The following ABCA3 variants were observed in gnomAD, a reference collection of about 807,000 sequenced individuals.
The protein encoded by ABCA3 is phospholipid-transporting ATPase ABCA3.
ABCA3 carries 88 observed loss-of-function variants against 172.8 expected under a neutral mutation model. The observed-to-expected ratio is 0.51, with a 90% CI of 0.43 to 0.61. The LOEUF is 0.61. Among genes scored for constraint, ABCA3 ranks in the 20% least tolerant of loss-of-function variants. The probability of loss-of-function intolerance (pLI) is 0.00; values close to 1 mark genes in which losing one functional copy is unlikely to be tolerated. For missense variants in ABCA3, 2,164 were observed against 2,301.0 expected (o/e 0.94, Z 1.22); for synonymous variants, 1,066 against 983.8 (o/e 1.08, Z -1.56).
rs566634400 is a variant in ABCA3 at position 2,340,208 on chromosome 16, A to G, written c.-539+365T>C. Among the ~76,000 whole-genome samples the G allele has an allele frequency of 1.1e-4, 17 of 152,234 alleles. No individual in the cohort carries two copies. The South Asian group carries it at 3.5e-3, about 32-fold the overall frequency. On this transcript the variant is annotated intron_variant, in intron 1 of 32. Transcript: ENST00000301732. Reference sequence around the variant, plus strand: ...CGGGGCCGGGGCTGTCGGTCGCTACATATCCACCTTCTGGGCGCACACAGA... The same window carrying G: ...CGGGGCCGGGGCTGTCGGTCGCTACGTATCCACCTTCTGGGCGCACACAGA...
chr16:2,284,637 G>A lies in ABCA3; in HGVS notation c.3703+142C>T. 4.9e-6 allele frequency: 6 copies of A among 1,218,852 alleles called. No homozygotes were observed. The highest frequency in any genetic ancestry group is 5.8e-6 in the Non-Finnish European group (5 of 861,584). The allele number at this position is 1,218,852 out of a possible 1,614,324, so 75.5% of individuals were successfully genotyped here. A position where few individuals can be genotyped will look rare whatever the true frequency, so the allele number is the denominator to read the frequency against. ...CACCAGTCATGGCTAGCCGGGCAGGGCCAGCTGGGGCAGAGGGGCTGGTGA... is the reference window on the plus strand; with the variant it reads ...CACCAGTCATGGCTAGCCGGGCAGGACCAGCTGGGGCAGAGGGGCTGGTGA... On this transcript the variant is annotated intron_variant, in intron 24 of 32. Transcript: ENST00000301732. The surrounding 1 kb of genome is among the most constrained non-coding windows in gnomAD (Gnocchi z 5.9).
At chr16:2,335,603 T>C (rs1404235112) in intron 1 of ABCA3, among the ~76,000 whole-genome samples, 1 of 152,190 alleles carries the variant, frequency 6.6e-6, no homozygotes, top group Non-Finnish European at 1.5e-5. Flanking sequence ...GGACAGACCC[T>C]GGTGTTCACG....
At chr16:2,319,296 T>C (rs1020506365) in intron 8 of ABCA3, among the ~76,000 whole-genome samples, 44 of 152,128 alleles carry the variant, frequency 2.9e-4, no homozygotes, top group African/African-American at 1.0e-3. Flanking sequence ...CCATCCTGGC[T>C]AACACGGTGA....
chr16:2,328,167 AAATGAGAGCT>A (rs1343014621), intron 3 of ABCA3, among the ~76,000 whole-genome samples: 2 of 152,226 alleles, frequency 1.3e-5, no homozygotes, highest in African/African-American at 2.4e-5. Context: ...GTGATAGCAG[AAATGAGAGCT>A]TAGATCTGTA....
intron 8 of ABCA3, among the ~76,000 whole-genome samples, chr16:2,317,985 T>C (rs1306822419): frequency 6.6e-6 from 1 of 152,230 alleles, no homozygotes; most frequent in Non-Finnish European, 1.5e-5. Context: ...CATAAGCCAC[T>C]GCACCCGGCC....
chr16:2,290,271 G>A (rs1403064459), intron 19 of ABCA3, among the ~76,000 whole-genome samples: 3 of 152,068 alleles, frequency 2.0e-5, no homozygotes, highest in African/African-American at 4.8e-5. Flanking sequence ...TTGCCATCTC[G>A]TCAGTATTCC....
chr16:2,304,023 C>T lies in ABCA3; in HGVS notation c.1413G>A (p.Glu471=). 2 of 1,614,186 alleles carry T rather than the reference C, an allele frequency of 1.2e-6. No homozygotes were observed. Among genetic ancestry groups the T allele is most frequent in the Non-Finnish European group, 1.7e-6 (2 of 1,180,026 alleles). ...VLYGLVTWYM[E]AVFPGQFGVP... is the part of the protein sequence containing the mutation. ...CGCCGAACTGCCCTGGGAAGACGGC[C>T]TCCATGTACCAGGTCACCAGGCCAT... is the stretch of plus-strand genomic sequence containing the variant. The change falls in exon 12 of 33, where the codon GAG becomes GAA. Residue 471 remains glutamate, a synonymous_variant. Coordinates refer to ENST00000301732, the MANE Select transcript of ABCA3 (RefSeq NM_001089.3).
At chr16:2,316,490 CAAAAAAAAAAAAAAAAAAAAAA>C (rs71148128) in intron 10 of ABCA3, among the ~76,000 whole-genome samples, 1,469 of 28,896 alleles carry the variant, frequency 0.051, 39 homozygotes, top group African/African-American at 0.12. Context: ...ACTAAAAATG[CAAAAAAAAAAAAAAAAAAAAAA>C]AAAAAAAAAA....
In ABCA3 at chr16:2,275,970, G is replaced by A. The variant is rs1049292293; in HGVS notation, c.*704C>T. On this transcript the variant is annotated 3_prime_UTR_variant, in exon 33 of 33. Coordinates refer to ENST00000301732, the MANE Select transcript of ABCA3 (RefSeq NM_001089.3). The stretch of plus-strand genomic sequence containing the variant: ...ACCCAGCCCTTAGGGTGGTCCCTGC[G>A]TGTCCTGGGGCGGGCGACTTCCTGA... The A allele has an allele frequency of 1.8e-5, 4 of 219,288 alleles. No homozygotes were observed. The highest frequency in any genetic ancestry group is 3.7e-5 in the Non-Finnish European group (4 of 107,620). 13.6% of individuals were successfully genotyped at this position (219,288 alleles called of 1,614,324 possible). A position where few individuals can be genotyped will look rare whatever the true frequency, so the allele number is the denominator to read the frequency against.
At chr16:2,299,138 TCCCTGGGGGTCCCCCTGC>T in intron 14 of ABCA3, among the ~76,000 whole-genome samples, 1 of 134,978 alleles carries the variant, frequency 7.4e-6, no homozygotes, top group Non-Finnish European at 1.6e-5. Flanking sequence ...AGGGCAGGGG[TCCCTGGGGGTCCCCCTGC>T]ATTCACGGAC....
chr16:2,309,990 A>C (rs972250450), intron 10 of ABCA3, among the ~76,000 whole-genome samples: 1 of 152,198 alleles, frequency 6.6e-6, no homozygotes, highest in African/African-American at 2.4e-5. Flanking sequence ...GGCTTTTTAA[A>C]TGTGGGTTAT....
chr16:2,338,449 C>A (rs371362914), intron 1 of ABCA3, among the ~76,000 whole-genome samples: 2 of 152,196 alleles, frequency 1.3e-5, no homozygotes, highest in African/African-American at 4.8e-5. Flanking sequence ...GCTGCCTGCA[C>A]AATGGAATTT....
Position 2,287,042 on chromosome 16 carries a change from T to A in ABCA3, c.3005-75A>T, listed in dbSNP as rs543259997. The A allele has an allele frequency of 2.5e-4, 377 of 1,528,980 alleles. 3 individuals carry two copies. In the South Asian group the frequency reaches 4.3e-3, roughly 17 times the overall value. 94.7% of individuals were successfully genotyped at this position (1,528,980 alleles called of 1,614,324 possible). A position where few individuals can be genotyped will look rare whatever the true frequency, so the allele number is the denominator to read the frequency against. ...GCACCCCCTGCCACCTGAGCATGGC[T>A]AATCAGGGACCCAATAGAGTGGTGC... On this transcript the variant is annotated intron_variant, in intron 21 of 32. Transcript: ENST00000301732. The surrounding 1 kb of genome is among the most constrained non-coding windows in gnomAD (Gnocchi z 4.1).
At position 2,286,656 on chromosome 16, in the gene ABCA3, C is replaced by T; in HGVS notation, c.3278+38G>A. ...TGCCCAGGGCAGTCAGTCCTGGGGG[C>T]TCTGGCCAGGGCAGACAGGGACGGG... On this transcript the variant is annotated intron_variant, in intron 22 of 32. Coordinates refer to ENST00000301732, the MANE Select transcript of ABCA3 (RefSeq NM_001089.3). The surrounding 1 kb of genome is among the most constrained non-coding windows in gnomAD (Gnocchi z 5.2). The T allele has an allele frequency of 6.2e-7, 1 of 1,611,212 alleles. No individual in the cohort carries two copies. Among genetic ancestry groups the T allele is most frequent in the South Asian group, 1.1e-5 (1 of 90,904 alleles).
At chr16:2,320,459 G>A (rs571594322) in intron 7 of ABCA3, among the ~76,000 whole-genome samples, 4 of 149,436 alleles carry the variant, frequency 2.7e-5, no homozygotes, top group South Asian at 2.1e-4. Context: ...GCGCGATCTC[G>A]GCTCACTGCA....
At chr16:2,299,839 G>A (rs1470625502) in intron 13 of ABCA3, among the ~76,000 whole-genome samples, 166 bp downstream of exon 13, 2 of 152,170 alleles carry the variant, frequency 1.3e-5, no homozygotes, top group African/African-American at 4.8e-5. Context: ...CTGTGCCCTG[G>A]GGAACCGGTT....
intron 10 of ABCA3, among the ~76,000 whole-genome samples, chr16:2,316,320 A>G (rs2093715457): frequency 6.9e-6 from 1 of 145,690 alleles, no homozygotes; most frequent in Non-Finnish European, 1.5e-5. Flanking sequence ...AAAAAAAAAA[A>G]AAAGAAAAAA....
At chr16:2,326,378 C>T in intron 4 of ABCA3, 35 bp downstream of exon 4, 1 of 1,612,518 alleles carries the variant, frequency 6.2e-7, no homozygotes, top group Non-Finnish European at 8.5e-7. Context: ...CTGGGCTAGG[C>T]ACGCAGCTGA....
At chr16:2,307,452 G>C (rs890542674) in intron 11 of ABCA3, among the ~76,000 whole-genome samples, 1 of 152,090 alleles carries the variant, frequency 6.6e-6, no homozygotes, top group Middle Eastern at 3.2e-3. Flanking sequence ...GTACTCGGGA[G>C]GCTGAGGTGG....
Sources: allele counts gnomAD v4.1 joint callset (sites outside exome capture counted in the v4.1 genomes callset), GRCh38; gene constraint gnomAD v4.1.1; non-coding constraint Gnocchi (gnomAD v3.1); transcripts MANE v1.5; gene names NCBI Gene and HGNC (gene_info 2026-07-23, HGNC 2026-07-21).